The following CYP7B1 variants were observed in gnomAD, a reference collection of about 807,000 sequenced individuals.
CYP7B1 encodes the protein cytochrome P450 7B1.
CYP7B1 carries 29 observed loss-of-function variants against 42.7 expected under a neutral mutation model. That is an observed-to-expected ratio of 0.68 (90% CI 0.51 to 0.93). CYP7B1 has a LOEUF of 0.93. CYP7B1 is among the 40% of genes least tolerant of loss of function. CYP7B1 has a pLI of 0.00. For synonymous variants in CYP7B1, 235 were observed against 218.2 expected, an observed-to-expected ratio of 1.08 and a Z score of -0.68; for missense variants, 655 against 600.5, an observed-to-expected ratio of 1.09 and a Z score of -0.95.
chr8:64,727,241 T>G (rs1246947357), intron 1 of CYP7B1, among the ~76,000 whole-genome samples: 1 of 152,214 alleles, frequency 6.6e-6, no homozygotes, highest in Non-Finnish European at 1.5e-5. Flanking sequence ...TTCATTTTCC[T>G]TCATTTGAGA....
rs1444068856 is a variant in CYP7B1 at position 64,615,797 on chromosome 8, G to A, written c.744C>T (p.Cys248=). The A allele has an allele frequency of 6.2e-7, 1 of 1,613,560 alleles. No individual in the cohort carries two copies. ...TCTTGGCTAACTTTTCTGATGAGAA[G>A]CATTTTATAATTTTCTCTCTAATAG... The part of the protein sequence containing the change: ...VKSIREKIIK[C]FSSEKLAKMQ... The change falls in exon 3 of 6, where the codon TGC becomes TGT. Residue 248 remains cysteine, a synonymous_variant. Transcript: ENST00000310193.
At chr8:64,692,248 G>A (rs1806757909) in intron 1 of CYP7B1, among the ~76,000 whole-genome samples, 1 of 152,176 alleles carries the variant, frequency 6.6e-6, no homozygotes, top group African/African-American at 2.4e-5. Flanking sequence ...AAGCATTTAT[G>A]TCTCTGAAAG....
chr8:64,776,253 T>C (rs959542495), intron 1 of CYP7B1, among the ~76,000 whole-genome samples: 1 of 152,150 alleles, frequency 6.6e-6, no homozygotes, highest in African/African-American at 2.4e-5. Context: ...TTTTCTAAAG[T>C]CATCCTTTGA....
At chr8:64,676,556 T>C (rs1806449206) in intron 1 of CYP7B1, among the ~76,000 whole-genome samples, 1 of 152,108 alleles carries the variant, frequency 6.6e-6, no homozygotes, top group Non-Finnish European at 1.5e-5. Context: ...ACATTGGGTC[T>C]GGACTCACTT....
chr8:64,714,437 T>C (rs1177883066), intron 1 of CYP7B1, among the ~76,000 whole-genome samples: 1 of 152,226 alleles, frequency 6.6e-6, no homozygotes, highest in Non-Finnish European at 1.5e-5. Context: ...GAAAACTGTG[T>C]ATCTGGAGGA....
chr8:64,690,292 AC>A (rs1340260864), intron 1 of CYP7B1, among the ~76,000 whole-genome samples: 3 of 152,164 alleles, frequency 2.0e-5, no homozygotes, highest in South Asian at 2.1e-4. Context: ...GGTTCTAGCT[AC>A]TCAGGAGGAT....
chr8:64,719,000 C>A (rs2129632827), intron 1 of CYP7B1, among the ~76,000 whole-genome samples: 1 of 152,216 alleles, frequency 6.6e-6, no homozygotes, highest in Middle Eastern at 3.4e-3. Context: ...GTCACTGGAA[C>A]AGATTTTTAA....
chr8:64,652,677 G>A (rs1022798879), intron 1 of CYP7B1, among the ~76,000 whole-genome samples: 1 of 151,846 alleles, frequency 6.6e-6, no homozygotes, highest in Non-Finnish European at 1.5e-5. Context: ...ACCCCATCTC[G>A]ATTAAAAATA....
intron 1 of CYP7B1, among the ~76,000 whole-genome samples, chr8:64,796,384 T>C (rs2129738459): frequency 6.6e-6 from 1 of 152,294 alleles, no homozygotes; most frequent in African/African-American, 2.4e-5. Context: ...TACAAATTCC[T>C]TTAAAAGTAA....
Position 64,604,799 on chromosome 8 carries a change from A to C in CYP7B1, c.1116T>G (p.Val372=). ...LSSYSTTIRF[V]EEDLTLSSET... ...CTGAACTGAGAGTCAAATCCTCCTC[A>C]ACAAAACGAATGGTGGTTGAATATG... is the stretch of plus-strand genomic sequence containing the variant. The change falls in exon 5 of 6, where the codon GTT becomes GTG. Residue 372 remains valine (V), a synonymous_variant. Coordinates refer to ENST00000310193, the MANE Select transcript of CYP7B1 (RefSeq NM_004820.5). 6.2e-7 allele frequency: 1 copy of C among 1,614,154 alleles called. No homozygotes were observed. Among genetic ancestry groups the C allele is most frequent in the African/African-American group, 1.3e-5 (1 of 75,040 alleles).
chr8:64,795,330 C>A (rs2129735456), intron 1 of CYP7B1, among the ~76,000 whole-genome samples: 1 of 152,344 alleles, frequency 6.6e-6, no homozygotes, highest in East Asian at 1.9e-4. Flanking sequence ...ATATTTTCCT[C>A]TTTCTCCGCC....
intron 1 of CYP7B1, among the ~76,000 whole-genome samples, chr8:64,681,843 GATA>G (rs1806543590): frequency 6.6e-6 from 1 of 152,162 alleles, no homozygotes; most frequent in Non-Finnish European, 1.5e-5. Context: ...GAAACTATGA[GATA>G]ATAAATGTTT....
At chr8:64,692,054 T>C (rs946202967) in intron 1 of CYP7B1, among the ~76,000 whole-genome samples, 1 of 152,126 alleles carries the variant, frequency 6.6e-6, no homozygotes, top group Non-Finnish European at 1.5e-5. Flanking sequence ...AACTCACAGA[T>C]GAAGTGGAAA....
chr8:64,644,723 C>A (rs1585828212), intron 1 of CYP7B1, among the ~76,000 whole-genome samples: 1 of 152,120 alleles, frequency 6.6e-6, no homozygotes, highest in African/African-American at 2.4e-5. Flanking sequence ...TACATCATTT[C>A]ATTTATCGTG....
intron 1 of CYP7B1, among the ~76,000 whole-genome samples, chr8:64,656,895 T>A (rs2129631318): frequency 6.6e-6 from 1 of 152,294 alleles, no homozygotes; most frequent in Admixed American, 6.5e-5. Context: ...ATTTTAAAAC[T>A]CTCAAAACTA....
At position 64,643,164 on chromosome 8, in the gene CYP7B1, C is replaced by T. The variant is rs377296473; in HGVS notation, c.123-18625G>A. On this transcript the variant is annotated intron_variant, in intron 1 of 5. Transcript: ENST00000310193. Reference sequence around the variant, plus strand: ...ATATATACATATATACATATATACACATATATACATATATATACATATATA... The same window carrying T: ...ATATATACATATATACATATATACATATATATACATATATATACATATATA... 1.2e-4 allele frequency among the ~76,000 whole-genome samples: 14 copies of T among 117,766 alleles called. 1 individual carries two copies. Among genetic ancestry groups the T allele is most frequent in the African/African-American group, 4.1e-4 (12 of 29,246 alleles). 77.3% of individuals were successfully genotyped at this position (117,766 alleles called of 152,430 possible).
At chr8:64,598,686 G>T (rs1315667331) in intron 5 of CYP7B1, among the ~76,000 whole-genome samples, 1 of 152,164 alleles carries the variant, frequency 6.6e-6, no homozygotes, top group African/African-American at 2.4e-5. Context: ...CGGCAAACAC[G>T]TGATGCAGGA....
intron 1 of CYP7B1, among the ~76,000 whole-genome samples, chr8:64,780,919 TCTC>T (rs1000563846): frequency 3.9e-5 from 6 of 152,020 alleles, no homozygotes; most frequent in Admixed American, 2.0e-4. Context: ...CAAGAAAAAA[TCTC>T]CTAACCAAAT....
chr8:64,776,537 T>C (rs4236936), intron 1 of CYP7B1, among the ~76,000 whole-genome samples: 147,067 of 152,216 alleles, frequency 0.97, 71,152 homozygotes, highest in African/African-American at 0.99. Context: ...ATAAACACAG[T>C]ACTTGAGACA....
Sources: allele counts gnomAD v4.1 joint callset (sites outside exome capture counted in the v4.1 genomes callset), GRCh38; gene constraint gnomAD v4.1.1; transcripts MANE v1.5; gene names NCBI Gene and HGNC (gene_info 2026-07-23, HGNC 2026-07-21).